Variants in ADAMTSL1 observed in about 807,000 individuals in gnomAD.
ADAMTSL1 encodes the protein ADAMTS like 1, also known as ADAMTS-like protein 1.
ADAMTSL1 carries 126 observed loss-of-function variants against 201.8 expected under a neutral mutation model. That is an observed-to-expected ratio of 0.62 (90% CI 0.54 to 0.72). The LOEUF is 0.72. Ranked by LOEUF, ADAMTSL1 falls within the 30% of genes least tolerant of loss-of-function variation. ADAMTSL1 has a pLI of 0.00. For missense variants in ADAMTSL1, 2,679 were observed against 2,277.8 expected (o/e 1.18, Z -3.59); for synonymous variants, 1,121 against 903.4 (o/e 1.24, Z -4.32).
chr9:18,485,822 G>C (rs1379801749), intron 1 of ADAMTSL1, among the ~76,000 whole-genome samples: 1 of 152,208 alleles, frequency 6.6e-6, no homozygotes, highest in Non-Finnish European at 1.5e-5. Context: ...GTTTTAGAAA[G>C]ACAGCTGGGA....
rs545929689 is a variant in ADAMTSL1, at chr9:18,254,402, C to G, written c.207+90421C>G. The stretch of plus-strand genomic sequence containing the variant: ...TTTTGAGATGGAATCTCGCTCTGTC[C>G]CCCAGGCTGGAGTACAGTGGCGCGA... On this transcript the variant is annotated intron_variant, in intron 2 of 29. Coordinates refer to the ADAMTSL1 transcript ENST00000680146. Among the ~76,000 whole-genome samples the G allele has an allele frequency of 6.6e-3, 814 of 124,092 alleles. 6 individuals carry two copies. The highest frequency in any genetic ancestry group is 0.023 in the African/African-American group (733 of 32,238). 81.4% of individuals were successfully genotyped at this position (124,092 alleles called of 152,430 possible).
At chr9:18,767,349 G>A (rs1360895651) in intron 16 of ADAMTSL1, among the ~76,000 whole-genome samples, 1 of 152,164 alleles carries the variant, frequency 6.6e-6, no homozygotes, top group Non-Finnish European at 1.5e-5. Flanking sequence ...GGAAAGTATT[G>A]TGGAGAATAT....
chr9:18,770,838 C>T, intron 17 of ADAMTSL1, 57 bp downstream of exon 17: 6 of 1,543,298 alleles, frequency 3.9e-6, no homozygotes, highest in Non-Finnish European at 5.3e-6. Flanking sequence ...AGAAGGCACC[C>T]CAGACATATA....
intron 2 of ADAMTSL1, among the ~76,000 whole-genome samples, chr9:18,204,683 C>A (rs924514454): frequency 6.6e-6 from 1 of 152,082 alleles, no homozygotes; most frequent in African/African-American, 2.4e-5. Context: ...TGGTTGCCAG[C>A]AGCCTTATAG....
At chr9:18,284,694 CTA>C (rs2132646412) in intron 2 of ADAMTSL1, among the ~76,000 whole-genome samples, 1 of 152,312 alleles carries the variant, frequency 6.6e-6, no homozygotes, top group African/African-American at 2.4e-5. Context: ...TAAAACTTAA[CTA>C]TTATTTCATA....
intron 2 of ADAMTSL1, among the ~76,000 whole-genome samples, chr9:18,423,524 C>A (rs1019169919): frequency 1.3e-5 from 2 of 152,124 alleles, no homozygotes; most frequent in Non-Finnish European, 2.9e-5. Flanking sequence ...TTCAACAAAC[C>A]TTTCATGAGA....
chr9:18,348,916 A>G lies in ADAMTSL1; in HGVS notation c.208-155913A>G, dbSNP rs1835842348. Reference sequence around the variant, plus strand: ...AACAACTACCATTTATTGAACGTGTATTGCCAGTCATTTTACTAAGTATTT... The same window carrying G: ...AACAACTACCATTTATTGAACGTGTGTTGCCAGTCATTTTACTAAGTATTT... On this transcript the variant is annotated intron_variant, in intron 2 of 29. Coordinates refer to the ADAMTSL1 transcript ENST00000680146. 3.9e-5 allele frequency among the ~76,000 whole-genome samples: 6 copies of G among 152,240 alleles called. No individual in the cohort carries two copies. In the South Asian group the frequency reaches 1.2e-3, roughly 31 times the overall value.
intron 5 of ADAMTSL1, among the ~76,000 whole-genome samples, chr9:18,635,490 T>C (rs1312355375): frequency 2.0e-5 from 3 of 152,158 alleles, no homozygotes; most frequent in Admixed American, 6.6e-5. Context: ...CCTGGGGTGT[T>C]CAGCGCATAC....
intron 2 of ADAMTSL1, 48 bp downstream of exon 2, chr9:18,505,004 G>A: frequency 6.4e-7 from 1 of 1,566,878 alleles, no homozygotes. Flanking sequence ...AGAGGTAGCC[G>A]GTTTGAGGCA....
intron 23 of ADAMTSL1, among the ~76,000 whole-genome samples, chr9:18,854,442 C>A (rs773691179): frequency 2.0e-5 from 3 of 152,162 alleles, no homozygotes; most frequent in Non-Finnish European, 4.4e-5. Flanking sequence ...CATACAGATA[C>A]ACAAGAAACT....
chr9:18,105,423 A>C (rs1227384071), intron 1 of ADAMTSL1, among the ~76,000 whole-genome samples: 2 of 152,186 alleles, frequency 1.3e-5, no homozygotes, highest in Non-Finnish European at 2.9e-5. Context: ...ACAGTCTTTC[A>C]TGCTATGCAT....
At chr9:18,398,747 CTGAAGG>C (rs2133253774) in intron 2 of ADAMTSL1, among the ~76,000 whole-genome samples, 1 of 152,224 alleles carries the variant, frequency 6.6e-6, no homozygotes, top group South Asian at 2.1e-4. Context: ...TAGGAGGTCA[CTGAAGG>C]GTTTTATAGG....
chr9:18,667,597 C>A (rs1829531230), intron 9 of ADAMTSL1, among the ~76,000 whole-genome samples: 3 of 152,150 alleles, frequency 2.0e-5, no homozygotes. Context: ...ATGAGGAATA[C>A]ATGGCATAAT....
chr9:18,686,427 G>T (rs1319663018), intron 13 of ADAMTSL1, among the ~76,000 whole-genome samples: 1 of 152,134 alleles, frequency 6.6e-6, no homozygotes, highest in Non-Finnish European at 1.5e-5. Flanking sequence ...CTTCTCCTCT[G>T]CCAGTACCTG....
intron 3 of ADAMTSL1, among the ~76,000 whole-genome samples, chr9:18,550,417 G>A (rs1323291638): frequency 6.6e-6 from 1 of 151,900 alleles, no homozygotes; most frequent in African/African-American, 2.4e-5. Flanking sequence ...GCACAAGAAG[G>A]CATTCATGTA....
intron 2 of ADAMTSL1, among the ~76,000 whole-genome samples, chr9:18,435,329 T>C (rs1819678679): frequency 6.6e-6 from 1 of 152,224 alleles, no homozygotes; most frequent in Non-Finnish European, 1.5e-5. Flanking sequence ...CAAATATTCA[T>C]TTATTTGTCC....
intron 23 of ADAMTSL1, among the ~76,000 whole-genome samples, chr9:18,834,363 G>T (rs7871247): frequency 0.89 from 135,900 of 152,172 alleles, 60,882 homozygotes; most frequent in African/African-American, 0.94. Context: ...CTAATTTCTT[G>T]CAGCAGTGTT....
chr9:17,992,873 TAC>T (rs1238227045), intron 1 of ADAMTSL1, among the ~76,000 whole-genome samples: 2 of 152,226 alleles, frequency 1.3e-5, no homozygotes, highest in Non-Finnish European at 2.9e-5. Flanking sequence ...TTATTTTTGT[TAC>T]ATTACTCATG....
intron 1 of ADAMTSL1, among the ~76,000 whole-genome samples, chr9:18,100,018 T>A (rs1162411256): frequency 6.6e-6 from 1 of 152,176 alleles, no homozygotes; most frequent in East Asian, 1.9e-4. Context: ...TCTTCTTAAT[T>A]TTTTTCTAAG....
Sources: gnomAD v4.1 joint callset for allele counts (sites outside exome capture counted in the v4.1 genomes callset) on GRCh38, gnomAD v4.1.1 for gene constraint, MANE v1.5 for transcripts, NCBI Gene and HGNC (gene_info 2026-07-23, HGNC 2026-07-21) for gene names.